ZNF347: variants seen among roughly 807,000 people sequenced by gnomAD.
ZNF347 encodes CTD-2620I22.7.
A neutral mutation model predicts 12.9 loss-of-function variants in ZNF347; 19 were observed. That is an observed-to-expected ratio of 1.47 (90% CI 1.03 to 2.16). ZNF347 has a LOEUF of 2.16. ZNF347 is among the 30% of genes most tolerant of loss of function. The pLI is 0.00. For synonymous variants in ZNF347, 328 were observed against 340.6 expected, an observed-to-expected ratio of 0.96 and a Z score of 0.41; for missense variants, 1,005 against 990.6, an observed-to-expected ratio of 1.01 and a Z score of -0.19.
chr19:53,156,103 T>C (rs1444533216), intron 1 of ZNF347, among the ~76,000 whole-genome samples: 1 of 146,662 alleles, frequency 6.8e-6, no homozygotes, highest in African/African-American at 2.5e-5. Flanking sequence ...TGATATTATC[T>C]ACAAGACAGC....
chr19:53,144,789 T>A (rs540501221), intron 4 of ZNF347, among the ~76,000 whole-genome samples: 1 of 152,254 alleles, frequency 6.6e-6, no homozygotes, highest in Non-Finnish European at 1.5e-5. Context: ...GTATGTTCCA[T>A]GCCCTAACAG....
intron 1 of ZNF347, among the ~76,000 whole-genome samples, chr19:53,157,797 T>C (rs2146819378): frequency 6.6e-6 from 1 of 152,198 alleles, no homozygotes; most frequent in African/African-American, 2.4e-5. Context: ...AAATCCCTCC[T>C]CCTCTCCCGG....
intron 1 of ZNF347, among the ~76,000 whole-genome samples, chr19:53,157,382 C>T (rs2146818920): frequency 6.6e-6 from 1 of 152,280 alleles, no homozygotes; most frequent in Admixed American, 6.5e-5. Context: ...TTCCCTCCCT[C>T]ATCCTCTACA....
chr19:53,156,050 G>GGGGT lies in ZNF347; in HGVS notation c.-46-2258_-46-2257insACCC, dbSNP rs1184119381. Among the ~76,000 whole-genome samples the GGGGT allele has an allele frequency of 5.1e-5, 7 of 136,920 alleles. 1 individual carries two copies. The highest frequency in any genetic ancestry group is 2.6e-4 in the South Asian group (1 of 3,818). 89.8% of individuals were successfully genotyped at this position (136,920 alleles called of 152,430 possible). ...CTCCCAGGGGACTCCCAGCTCGGGG[G>GGGGT]GGGGGGGGGGTTAGGCGGGGGTCCT... On this transcript the variant is annotated intron_variant, in intron 1 of 4. Coordinates refer to ENST00000334197, the MANE Select transcript of ZNF347 (RefSeq NM_032584.3).
At chr19:53,151,168 G>A (rs1296816248) in intron 2 of ZNF347, among the ~76,000 whole-genome samples, 7 of 152,188 alleles carry the variant, frequency 4.6e-5, no homozygotes, top group African/African-American at 1.2e-4. Flanking sequence ...AGAAACTTGC[G>A]TCAAGACAAA....
At chr19:53,153,856 G>A in intron 1 of ZNF347, 63 bp from the exon 2 acceptor site, 1 of 1,281,932 alleles carries the variant, frequency 7.8e-7, no homozygotes, top group Middle Eastern at 1.8e-4. Flanking sequence ...GCTGTTTATT[G>A]CTCAGAATCA....
chr19:53,141,158 G>C lies in ZNF347; in HGVS notation c.1670C>G (p.Thr557Ser). The stretch of plus-strand genomic sequence containing the variant: ...TCCAGTATGGATGACCTGATGGGTA[G>C]TTAGGCTTGAATACACACTGAAGGC... ...GKAFSVYSSLTTHQVIHTGEK... is the reference protein window; with the variant it reads ...GKAFSVYSSLSTHQVIHTGEK... The change falls in exon 5 of 5, where the codon ACT becomes AGT. Residue 557 changes from threonine to serine, a missense_variant. By Grantham distance (58) the Thr-to-Ser change is moderately conservative. Transcript: ENST00000334197. 3 of 1,608,850 alleles carry C rather than the reference G, an allele frequency of 1.9e-6. No individual in the cohort carries two copies. The highest frequency in any genetic ancestry group is 2.6e-6 in the Non-Finnish European group (3 of 1,175,938).
intron 2 of ZNF347, among the ~76,000 whole-genome samples, chr19:53,153,247 G>T (rs986314662): frequency 6.6e-6 from 1 of 152,140 alleles, no homozygotes; most frequent in African/African-American, 2.4e-5. Context: ...AGAGTTTGGG[G>T]TTAGAAACAC....
Position 53,142,363 on chromosome 19 carries a change from C to A in ZNF347, c.465G>T (p.Val155=), listed in dbSNP as rs773338131. The A allele has an allele frequency of 6.2e-7, 1 of 1,614,056 alleles. No individual in the cohort carries two copies. Among genetic ancestry groups the A allele is most frequent in the South Asian group, 1.1e-5 (1 of 91,082 alleles). ...CRDAEGNYKG[V]LLTQEGNLTH... is the part of the protein sequence containing the mutation. ...TGAGATTGCCTTCTTGGGTCAAAAG[C>A]ACTCCTTTGTAATTTCCTTCAGCAT... Residue 155 remains valine (V), a synonymous_variant, in exon 5 of 5, where the codon GTG becomes GTT. Coordinates refer to ENST00000334197, the MANE Select transcript of ZNF347 (RefSeq NM_032584.3).
rs751925168 is a variant in ZNF347 at position 53,141,006 on chromosome 19, G to A, written c.1822C>T (p.His608Tyr). 6 of 1,613,178 alleles carry A rather than the reference G, an allele frequency of 3.7e-6. No homozygotes were observed. Among genetic ancestry groups the A allele is most frequent in the Admixed American group, 1.7e-5 (1 of 59,902 alleles). The change falls in exon 5 of 5, where the codon CAT (histidine) becomes TAT (tyrosine). Residue 608 changes from histidine (H) to tyrosine (Y), a missense_variant. Physicochemically the swap from His to Tyr is moderately conservative, Grantham distance 83. Transcript: ENST00000334197. ...KCNECGKVFR[H>Y]NSYLSRHQRI... ...TGATGCCTTGAAAGGTATGAATTAT[G>A]CCTAAAGACCTTGCCACATTCATTA... is the stretch of plus-strand genomic sequence containing the variant.
At chr19:53,153,363 C>T (rs937436187) in intron 2 of ZNF347, among the ~76,000 whole-genome samples, 3 of 152,204 alleles carry the variant, frequency 2.0e-5, no homozygotes, top group Non-Finnish European at 4.4e-5. Flanking sequence ...CACATTAACA[C>T]GTGACTTCCA....
At position 53,140,568 on chromosome 19, in the gene ZNF347, T is replaced by C; in HGVS notation, c.2260A>G (p.Arg754Gly). ...TCTCCAGTATGAATTCCCCGATGTC[T>C]TGCAAGGTGTGAATTCTGAGTGAAG... ...KVFTQNSHLA[R>G]HRGIHTGEKP... Residue 754 changes from arginine to glycine, a missense_variant, in exon 5 of 5, where the codon AGA becomes GGA. Physicochemically the swap from Arg to Gly is moderately radical, Grantham distance 125. Transcript: ENST00000334197. 1.2e-6 allele frequency: 2 copies of C among 1,613,996 alleles called. No homozygotes were observed. Among genetic ancestry groups the C allele is most frequent in the Non-Finnish European group, 1.7e-6 (2 of 1,179,954 alleles).
At chr19:53,148,962 A>G (rs1481637767) in intron 3 of ZNF347, 153 bp from the exon 4 acceptor site, 2 of 1,168,476 alleles carry the variant, frequency 1.7e-6, no homozygotes, top group Admixed American at 2.7e-5. Context: ...GTTAGGAAAC[A>G]CTATAATATG....
chr19:53,146,955 G>C (rs1385762656), intron 4 of ZNF347, among the ~76,000 whole-genome samples: 1 of 152,168 alleles, frequency 6.6e-6, no homozygotes, highest in Admixed American at 6.6e-5. Context: ...ACTAATACTG[G>C]CTAGGCATGT....
intron 4 of ZNF347, among the ~76,000 whole-genome samples, chr19:53,143,866 T>A (rs966715248): frequency 2.0e-5 from 3 of 152,124 alleles, no homozygotes; most frequent in Non-Finnish European, 4.4e-5. Context: ...TGTTCCTATT[T>A]CTCCACATCC....
In ZNF347 at chr19:53,141,174, C is replaced by G. The variant is rs1256216834; in HGVS notation, c.1654G>C (p.Val552Leu). 1 of 1,608,556 alleles carries G rather than the reference C, an allele frequency of 6.2e-7. No individual in the cohort carries two copies. The highest frequency in any genetic ancestry group is 8.5e-7 in the Non-Finnish European group (1 of 1,175,896). The change falls in exon 5 of 5, where the codon GTG becomes CTG. Residue 552 changes from valine (V) to leucine (L), a missense_variant. Coordinates refer to ENST00000334197, the MANE Select transcript of ZNF347 (RefSeq NM_032584.3). The stretch of plus-strand genomic sequence containing the variant: ...TGATGGGTAGTTAGGCTTGAATACA[C>G]ACTGAAGGCTTTGCCGCACTCATTA... ...MCNECGKAFS[V>L]YSSLTTHQVI...
rs2090395430 is a variant in ZNF347, at chr19:53,137,830, T to G, written c.*2478A>C. ...TAATTTTTTTTTTTGAGACGGAGTC[T>G]CACTTTCTCGCCCAGGCTGGAGTGC... On this transcript the variant is annotated 3_prime_UTR_variant, in exon 5 of 5. Transcript: ENST00000334197. The G allele has an allele frequency of 6.6e-6, 1 of 152,156 alleles. No individual in the cohort carries two copies. The highest frequency in any genetic ancestry group is 6.5e-5 in the Admixed American group (1 of 15,284). The allele number at this position is 152,156 out of a possible 1,614,324, so 9.4% of individuals were successfully genotyped here.
chr19:53,140,553 G>C lies in ZNF347; in HGVS notation c.2275C>G (p.His759Asp), dbSNP rs763905234. ...CACTTGTAAGGTTTCTCTCCAGTAT[G>C]AATTCCCCGATGTCTTGCAAGGTGT... ...NSHLARHRGI[H>D]TGEKPYKCNE... The change falls in exon 5 of 5, where the codon CAT (histidine) becomes GAT (aspartate). Residue 759 changes from histidine (H) to aspartate (D), a missense_variant. Physicochemically the swap from His to Asp is moderately conservative, Grantham distance 81 (BLOSUM62 -1). Coordinates refer to ENST00000334197, the MANE Select transcript of ZNF347 (RefSeq NM_032584.3). 6.2e-7 allele frequency: 1 copy of C among 1,613,962 alleles called. No individual in the cohort carries two copies.
chr19:53,155,040 C>T (rs1014816462), intron 1 of ZNF347, among the ~76,000 whole-genome samples: 19 of 151,692 alleles, frequency 1.3e-4, no homozygotes, highest in Admixed American at 7.9e-4. Flanking sequence ...CAGGTTCAAG[C>T]GATTCTCCTG....
Sources: gnomAD v4.1 joint callset for allele counts (sites outside exome capture counted in the v4.1 genomes callset) on GRCh38, gnomAD v4.1.1 for gene constraint, MANE v1.5 for transcripts, NCBI Gene and HGNC (gene_info 2026-07-23, HGNC 2026-07-21) for gene names.